The following LSAMP variants were observed in gnomAD, a reference collection of about 807,000 sequenced individuals.
The protein encoded by LSAMP is limbic system-associated membrane protein.
LSAMP carries 7 observed loss-of-function variants against 38.6 expected under a neutral mutation model. The ratio of observed to expected loss-of-function variants is 0.18; its 90% CI spans 0.10 to 0.34. The LOEUF (loss-of-function observed/expected upper bound fraction) is 0.34. Ranked by LOEUF, LSAMP falls within the 10% of genes least tolerant of loss-of-function variation. The probability of loss-of-function intolerance (pLI) is 1.00; values close to 1 mark genes in which losing one functional copy is unlikely to be tolerated. For synonymous variants in LSAMP, 154 were observed against 166.8 expected (o/e 0.92, Z 0.59); for missense variants, 313 against 420.0 (o/e 0.75, Z 2.23).
At chr3:115,935,866 T>A (rs1202813510) in intron 3 of LSAMP, among the ~76,000 whole-genome samples, 2 of 152,172 alleles carry the variant, frequency 1.3e-5, no homozygotes, top group African/African-American at 4.8e-5. Context: ...GGAACGTAAT[T>A]TGAAGCGTCC....
chr3:116,189,693 C>T (rs1476329245), intron 1 of LSAMP, among the ~76,000 whole-genome samples: 1 of 152,154 alleles, frequency 6.6e-6, no homozygotes, highest in Admixed American at 6.5e-5. Flanking sequence ...TATATCATTA[C>T]AAAAGGAGTC....
chr3:116,050,625 G>C (rs976672296), intron 2 of LSAMP, among the ~76,000 whole-genome samples: 4 of 152,080 alleles, frequency 2.6e-5, no homozygotes, highest in African/African-American at 9.7e-5. Context: ...TCTTAGGACA[G>C]ATACTGGCCG....
At chr3:115,988,218 A>G (rs963213986) in intron 3 of LSAMP, among the ~76,000 whole-genome samples, 1 of 152,174 alleles carries the variant, frequency 6.6e-6, no homozygotes, top group African/African-American at 2.4e-5. Flanking sequence ...ACAATGCTTC[A>G]GAACATTATA....
intron 3 of LSAMP, among the ~76,000 whole-genome samples, chr3:115,876,740 T>G (rs1936189658): frequency 1.3e-5 from 2 of 151,992 alleles, no homozygotes; most frequent in South Asian, 4.1e-4. Flanking sequence ...TTCATTCTAT[T>G]TTTTTCTTCC....
rs150143869 is a variant in LSAMP, at chr3:115,911,167, C to T, written c.515-58550G>A. Among the ~76,000 whole-genome samples, 213 of 152,238 alleles carry T rather than the reference C, an allele frequency of 1.4e-3. No individual in the cohort carries two copies. In the Middle Eastern group the frequency reaches 0.027, roughly 19 times the overall value. ...AAATTAAATGAAATTATATATAAAG[C>T]ATTTTACACATGGTAAAAGCTCAAT... On this transcript the variant is annotated intron_variant, in intron 3 of 6. Coordinates refer to ENST00000490035, the MANE Select transcript of LSAMP (RefSeq NM_002338.5).
At chr3:116,061,088 AAC>A (rs1941586629) in intron 2 of LSAMP, among the ~76,000 whole-genome samples, 1 of 152,152 alleles carries the variant, frequency 6.6e-6, no homozygotes, top group Non-Finnish European at 1.5e-5. Context: ...TGGGACATCT[AAC>A]ATACTTTAAT....
intron 3 of LSAMP, among the ~76,000 whole-genome samples, chr3:115,967,295 A>C (rs565025501): frequency 6.6e-6 from 1 of 152,174 alleles, no homozygotes; most frequent in Non-Finnish European, 1.5e-5. Context: ...CTTTGCTAAA[A>C]CATAACAAGA....
chr3:115,921,289 TTA>T (rs1485772494), intron 3 of LSAMP, among the ~76,000 whole-genome samples: 1 of 152,104 alleles, frequency 6.6e-6, no homozygotes, highest in Non-Finnish European at 1.5e-5. Context: ...TTGTTTTCCT[TTA>T]TGTTTCATTG....
intron 1 of LSAMP, among the ~76,000 whole-genome samples, chr3:116,237,901 A>C (rs1410952958): frequency 2.0e-5 from 3 of 152,212 alleles, no homozygotes; most frequent in African/African-American, 7.2e-5. Context: ...TCTCTTGAGC[A>C]GAATTTTCAG....
intron 1 of LSAMP, among the ~76,000 whole-genome samples, chr3:116,352,644 A>C (rs564122332): frequency 1.3e-5 from 2 of 152,268 alleles, no homozygotes; most frequent in African/African-American, 4.8e-5. Context: ...GATGTACCTC[A>C]AAGTAAAACA....
chr3:116,138,113 A>T (rs972057587), intron 1 of LSAMP, among the ~76,000 whole-genome samples: 2 of 152,144 alleles, frequency 1.3e-5, no homozygotes, highest in Non-Finnish European at 2.9e-5. Flanking sequence ...CATATTTCTC[A>T]CAAGTTCTCA....
chr3:116,210,735 G>C (rs1049548274), intron 1 of LSAMP, among the ~76,000 whole-genome samples: 10 of 152,092 alleles, frequency 6.6e-5, no homozygotes, highest in African/African-American at 2.4e-4. Context: ...TAAGGATGAT[G>C]ATATGGAAAC....
intron 1 of LSAMP, among the ~76,000 whole-genome samples, chr3:116,324,877 T>C (rs954151578): frequency 1.3e-5 from 2 of 152,096 alleles, no homozygotes; most frequent in African/African-American, 4.8e-5. Context: ...TGTGATATTA[T>C]TTTTAGCCCT....
At chr3:116,388,499 T>C (rs73149202) in intron 1 of LSAMP, among the ~76,000 whole-genome samples, 4 of 152,248 alleles carry the variant, frequency 2.6e-5, no homozygotes, top group Non-Finnish European at 4.4e-5. Context: ...TAAATGAACA[T>C]AAGGGCTCTA....
intron 1 of LSAMP, among the ~76,000 whole-genome samples, chr3:116,150,384 C>G (rs1167387414): frequency 6.6e-6 from 1 of 151,982 alleles, no homozygotes; most frequent in African/African-American, 2.4e-5. Context: ...ACACCTATGC[C>G]TGTAGATTTA....
intron 1 of LSAMP, among the ~76,000 whole-genome samples, chr3:116,183,126 A>C (rs1293172311): frequency 6.6e-6 from 1 of 151,872 alleles, no homozygotes; most frequent in Non-Finnish European, 1.5e-5. Context: ...AATTATCCAT[A>C]TGTGACCTCT....
intron 3 of LSAMP, among the ~76,000 whole-genome samples, chr3:115,866,341 C>T (rs750054072): frequency 6.6e-6 from 1 of 152,140 alleles, no homozygotes; most frequent in Non-Finnish European, 1.5e-5. Flanking sequence ...GTGGGTTACC[C>T]TTTTCTTTCC....
chr3:116,022,928 A>G (rs1940678370), intron 2 of LSAMP, among the ~76,000 whole-genome samples: 1 of 152,114 alleles, frequency 6.6e-6, no homozygotes, highest in Admixed American at 6.6e-5. Flanking sequence ...GTGTTTTATT[A>G]TCTTAGTTAA....
chr3:116,016,707 G>A (rs1209863612), intron 3 of LSAMP, among the ~76,000 whole-genome samples: 1 of 152,188 alleles, frequency 6.6e-6, no homozygotes, highest in Non-Finnish European at 1.5e-5. Flanking sequence ...GTAAATGAAT[G>A]AGCATGGCTG....
Sources: gnomAD v4.1 joint callset for allele counts (sites outside exome capture counted in the v4.1 genomes callset) on GRCh38, gnomAD v4.1.1 for gene constraint, MANE v1.5 for transcripts, NCBI Gene and HGNC (gene_info 2026-07-23, HGNC 2026-07-21) for gene names.